Variants in HIF1AN observed in about 807,000 individuals in gnomAD.
The protein encoded by HIF1AN is hypoxia-inducible factor 1-alpha inhibitor.
A neutral mutation model predicts 47.7 loss-of-function variants in HIF1AN; 21 were observed. The ratio of observed to expected loss-of-function variants is 0.44; its 90% CI spans 0.31 to 0.63. HIF1AN has a LOEUF of 0.63. HIF1AN is among the 30% of genes least tolerant of loss of function. The pLI is 0.07. For missense variants in HIF1AN, 320 were observed against 432.7 expected (o/e 0.74, Z 2.31); for synonymous variants, 152 against 155.9 (o/e 0.98, Z 0.18).
intron 7 of HIF1AN, among the ~76,000 whole-genome samples, chr10:100,547,791 C>T (rs776984486): frequency 1.3e-5 from 2 of 152,156 alleles, no homozygotes; most frequent in Non-Finnish European, 2.9e-5. Context: ...CATATAGACA[C>T]TCTTGGGTGT....
At chr10:100,542,968 G>A (rs908717875) in intron 3 of HIF1AN, among the ~76,000 whole-genome samples, 1 of 147,806 alleles carries the variant, frequency 6.8e-6, no homozygotes, top group Non-Finnish European at 1.5e-5. Flanking sequence ...ATTTCTCGCA[G>A]TAGCTCAATG....
intron 2 of HIF1AN, among the ~76,000 whole-genome samples, chr10:100,540,100 C>T (rs1332182579): frequency 6.6e-6 from 1 of 151,970 alleles, no homozygotes; most frequent in African/African-American, 2.4e-5. Flanking sequence ...CCTCTGCCTC[C>T]CAGGTTCAAG....
rs1288047170 is a variant in HIF1AN, at chr10:100,552,563, C to T, written c.*4426C>T. ...CTGATGTCTTCTCAAACTGTTGGCT[C>T]TAAAGGGATGTTCCAGCCTCCCTCT... On this transcript the variant is annotated 3_prime_UTR_variant, in exon 8 of 8. Coordinates refer to ENST00000299163, the MANE Select transcript of HIF1AN (RefSeq NM_017902.3). 1 of 152,398 alleles carries T rather than the reference C, an allele frequency of 6.6e-6. No individual in the cohort carries two copies. The highest frequency in any genetic ancestry group is 1.5e-5 in the Non-Finnish European group (1 of 68,192). 9.4% of individuals were successfully genotyped at this position (152,398 alleles called of 1,614,324 possible).
chr10:100,539,154 A>T (rs140815155), intron 2 of HIF1AN, among the ~76,000 whole-genome samples: 1 of 151,886 alleles, frequency 6.6e-6, no homozygotes, highest in Non-Finnish European at 1.5e-5. Context: ...CTGGTCTCGA[A>T]CTCCTGAGCT....
intron 3 of HIF1AN, among the ~76,000 whole-genome samples, chr10:100,542,428 A>C (rs894665435): frequency 3.9e-5 from 6 of 152,104 alleles, no homozygotes; most frequent in African/African-American, 1.4e-4. Flanking sequence ...ATCTCGGCTC[A>C]CTACAAGCTC....
rs1372803657 is a variant in HIF1AN at position 100,555,114 on chromosome 10, G to C, written c.*6977G>C. The stretch of plus-strand genomic sequence containing the variant: ...ATGAATAATTAACCAGAGGTTGGGG[G>C]ATTTCCCCCTTAGCTTCTCTTTCTT... On this transcript the variant is annotated 3_prime_UTR_variant, in exon 8 of 8. Coordinates refer to ENST00000299163, the MANE Select transcript of HIF1AN (RefSeq NM_017902.3). The C allele has an allele frequency of 1.3e-5, 2 of 152,180 alleles. No homozygotes were observed. Among genetic ancestry groups the C allele is most frequent in the African/African-American group, 4.8e-5 (2 of 41,462 alleles). The allele number at this position is 152,180 out of a possible 1,614,324, so 9.4% of individuals were successfully genotyped here.
rs1301712770 is a variant in HIF1AN, at chr10:100,559,072, TCTCA to T, written c.*10939_*10942del. On this transcript the variant is annotated 3_prime_UTR_variant, in exon 8 of 8. Coordinates refer to ENST00000299163, the MANE Select transcript of HIF1AN (RefSeq NM_017902.3). Reference sequence around the variant, plus strand: ...TCTTTTTTTTTTTTTTGAGACGGAGTCTCACTCTGTTGCCCAGGCTGGAGTACAG... The same window carrying T: ...TCTTTTTTTTTTTTTTGAGACGGAGTCTCTGTTGCCCAGGCTGGAGTACAG... 2.0e-5 allele frequency: 3 copies of T among 151,536 alleles called. No individual in the cohort carries two copies. Among genetic ancestry groups the T allele is most frequent in the African/African-American group, 4.8e-5 (2 of 41,288 alleles). The allele number at this position is 151,536 out of a possible 1,614,324, so 9.4% of individuals were successfully genotyped here. A position where few individuals can be genotyped will look rare whatever the true frequency, so the allele number is the denominator to read the frequency against.
At chr10:100,547,619 C>G (rs1287864674) in intron 7 of HIF1AN, among the ~76,000 whole-genome samples, 2 of 152,056 alleles carry the variant, frequency 1.3e-5, no homozygotes, top group African/African-American at 4.8e-5. Flanking sequence ...TGCCAGTGGC[C>G]CATTGGGTAA....
rs1481215277 is a variant in HIF1AN, at chr10:100,551,305, C to T, written c.*3168C>T. 1 of 152,196 alleles carries T rather than the reference C, an allele frequency of 6.6e-6. No homozygotes were observed. Among genetic ancestry groups the T allele is most frequent in the Admixed American group, 6.5e-5 (1 of 15,278 alleles). The allele number at this position is 152,196 out of a possible 1,614,324, so 9.4% of individuals were successfully genotyped here. A position where few individuals can be genotyped will look rare whatever the true frequency, so the allele number is the denominator to read the frequency against. ...ATGGTTTCTGTCACTGGTGATTAGA[C>T]ACAGGATGAAGGAAAAGAAATTTGA... is the stretch of plus-strand genomic sequence containing the variant. On this transcript the variant is annotated 3_prime_UTR_variant, in exon 8 of 8. Transcript: ENST00000299163.
chr10:100,538,726 C>T (rs889961031), intron 2 of HIF1AN, among the ~76,000 whole-genome samples: 4 of 148,652 alleles, frequency 2.7e-5, no homozygotes, highest in East Asian at 4.0e-4. Flanking sequence ...GAGACTGAGG[C>T]AGGAGAATTG....
In HIF1AN at chr10:100,559,017, T is replaced by C. The variant is rs1258517213; in HGVS notation, c.*10880T>C. 6.6e-6 allele frequency: 1 copy of C among 152,186 alleles called. No individual in the cohort carries two copies. Among genetic ancestry groups the C allele is most frequent in the Non-Finnish European group, 1.5e-5 (1 of 68,036 alleles). 9.4% of individuals were successfully genotyped at this position (152,186 alleles called of 1,614,324 possible). Reference sequence around the variant, plus strand: ...CCAACTAAAAAGTGTGTATTTATACTCGAATTTTAAGTTGAAATTTTGCTA... The same window carrying C: ...CCAACTAAAAAGTGTGTATTTATACCCGAATTTTAAGTTGAAATTTTGCTA... On this transcript the variant is annotated 3_prime_UTR_variant, in exon 8 of 8. Coordinates refer to ENST00000299163, the MANE Select transcript of HIF1AN (RefSeq NM_017902.3).
At position 100,536,028 on chromosome 10, in the gene HIF1AN, G is replaced by C. The variant is rs1852214382; in HGVS notation, c.70G>C (p.Gly24Arg). The C allele has an allele frequency of 6.3e-7, 1 of 1,598,954 alleles. No homozygotes were observed. Among genetic ancestry groups the C allele is most frequent in the Admixed American group, 1.7e-5 (1 of 57,846 alleles). ...GCCCCGGGAGGAGGCTGGAGCCCTC[G>C]GCCCCGCCTGGGATGAATCCCAGTT... is the stretch of plus-strand genomic sequence containing the variant. The part of the protein sequence containing the change: ...GEPREEAGAL[G>R]PAWDESQLRS... The change falls in exon 1 of 8, where the codon GGC becomes CGC. Residue 24 changes from glycine to arginine, a missense_variant. Gly to Arg is a moderately radical substitution (Grantham distance 125). Coordinates refer to ENST00000299163, the MANE Select transcript of HIF1AN (RefSeq NM_017902.3).
In HIF1AN at chr10:100,536,648, G is replaced by C. The variant is rs1206132895; in HGVS notation, c.415G>C (p.Gly139Arg). Residue 139 changes from glycine (G) to arginine (R), a missense_variant, in exon 2 of 8, where the codon GGA becomes CGA. Around this residue, in one of 2 missense-constraint regions of HIF1AN, gnomAD observed 161 missense variants for 272.8 expected, o/e 0.59. Transcript: ENST00000299163. Reference sequence around the variant, plus strand: ...GAAACTGCAGGATATACAGCAGCGAGGAGGGGAAGAGAGGTAAATTCCGAA... The same window carrying C: ...GAAACTGCAGGATATACAGCAGCGACGAGGGGAAGAGAGGTAAATTCCGAA... ...VEKLQDIQQR[G>R]GEERLYLQQT... 1 of 1,614,012 alleles carries C rather than the reference G, an allele frequency of 6.2e-7. No homozygotes were observed. The highest frequency in any genetic ancestry group is 1.3e-5 in the African/African-American group (1 of 74,912).
intron 4 of HIF1AN, chr10:100,545,557 T>C (rs1843085462): frequency 4.8e-6 from 1 of 207,482 alleles, no homozygotes; most frequent in Non-Finnish European, 9.6e-6. Context: ...TATCCTTTCC[T>C]TTCTTCAGAA....
At chr10:100,543,604 G>T (rs1011914001) in intron 3 of HIF1AN, among the ~76,000 whole-genome samples, 1 of 152,122 alleles carries the variant, frequency 6.6e-6, no homozygotes, top group African/African-American at 2.4e-5. Context: ...ACAGAGTCTC[G>T]CTCTGTCGCC....
intron 2 of HIF1AN, among the ~76,000 whole-genome samples, chr10:100,540,029 A>G (rs1372363179): frequency 6.6e-6 from 1 of 151,770 alleles, no homozygotes; most frequent in African/African-American, 2.4e-5. Flanking sequence ...ATTTTTTGAG[A>G]TGGTGTCTTG....
Position 100,550,989 on chromosome 10 carries a change from C to A in HIF1AN, c.*2852C>A, listed in dbSNP as rs993896631. On this transcript the variant is annotated 3_prime_UTR_variant, in exon 8 of 8. Transcript: ENST00000299163. ...CTCCATCCTAGCTGGCAGTGTGGGA[C>A]ACACACATACAGCAAGTGAAGGTGG... 1 of 152,260 alleles carries A rather than the reference C, an allele frequency of 6.6e-6. No individual in the cohort carries two copies. The allele number at this position is 152,260 out of a possible 1,614,324, so 9.4% of individuals were successfully genotyped here. A position where few individuals can be genotyped will look rare whatever the true frequency, so the allele number is the denominator to read the frequency against.
Position 100,540,043 on chromosome 10 carries a change from T to C in HIF1AN, c.429-591T>C, listed in dbSNP as rs1843009849. 2.6e-5 allele frequency among the ~76,000 whole-genome samples: 4 copies of C among 152,206 alleles called. No individual in the cohort carries two copies. In the South Asian group the frequency reaches 8.3e-4, roughly 32 times the overall value. On this transcript the variant is annotated intron_variant, in intron 2 of 7. Coordinates refer to ENST00000299163, the MANE Select transcript of HIF1AN (RefSeq NM_017902.3). ...TATTTTTTGAGATGGTGTCTTGCTCTTGTCACCCAGGCTGGAGTGCAATGG... is the reference window on the plus strand; with the variant it reads ...TATTTTTTGAGATGGTGTCTTGCTCCTGTCACCCAGGCTGGAGTGCAATGG...
chr10:100,544,462 T>C (rs1426099755), intron 3 of HIF1AN, among the ~76,000 whole-genome samples: 5 of 152,174 alleles, frequency 3.3e-5, no homozygotes, highest in Non-Finnish European at 7.3e-5. Flanking sequence ...GGAGGAAAGG[T>C]TGAGAATCTT....
Sources: allele counts gnomAD v4.1 joint callset (sites outside exome capture counted in the v4.1 genomes callset), GRCh38; gene constraint gnomAD v4.1.1; regional missense constraint gnomAD v4.1.1; transcripts MANE v1.5; gene names NCBI Gene and HGNC (gene_info 2026-07-23, HGNC 2026-07-21).